The following AFF4 variants were observed in gnomAD, a reference collection of about 807,000 sequenced individuals.
The protein encoded by AFF4 is ALF transcription elongation factor 4, also known as AF4/FMR2 family member 4.
AFF4 carries 13 observed loss-of-function variants against 124.8 expected under a neutral mutation model. The ratio of observed to expected loss-of-function variants is 0.10; its 90% CI spans 0.07 to 0.17. The LOEUF (loss-of-function observed/expected upper bound fraction) is 0.17, where lower values mean the gene tolerates loss of function less well. AFF4 is among the 10% of genes least tolerant of loss of function. AFF4 has a pLI of 1.00. For synonymous variants in AFF4, 477 were observed against 496.1 expected, an observed-to-expected ratio of 0.96 and a Z score of 0.51; for missense variants, 1,092 against 1,403.8, an observed-to-expected ratio of 0.78 and a Z score of 3.55.
At chr5:132,899,484 GA>G in intron 8 of AFF4, 102 bp downstream of exon 8, 1 of 1,060,098 alleles carries the variant, frequency 9.4e-7, no homozygotes, top group Non-Finnish European at 1.3e-6. Context: ...AAGCTTATAA[GA>G]AACTTATTTT....
At chr5:132,914,185 A>AC (rs1267264095) in intron 5 of AFF4, among the ~76,000 whole-genome samples, 1 of 152,028 alleles carries the variant, frequency 6.6e-6, no homozygotes, top group East Asian at 1.9e-4. Context: ...TCGAGATCTC[A>AC]CCACTGCACT....
chr5:132,947,394 C>T (rs1481606455), intron 1 of AFF4, among the ~76,000 whole-genome samples: 3 of 152,204 alleles, frequency 2.0e-5, no homozygotes, highest in Admixed American at 6.5e-5. Context: ...CAGAGTAAGA[C>T]TCTGCCTCGA....
chr5:132,886,816 A>C (rs1050063296), intron 17 of AFF4, among the ~76,000 whole-genome samples: 1 of 152,258 alleles, frequency 6.6e-6, no homozygotes, highest in Non-Finnish European at 1.5e-5. Flanking sequence ...ATCCCTGCCT[A>C]TCTCTCCAGT....
intron 5 of AFF4, among the ~76,000 whole-genome samples, chr5:132,905,182 G>T (rs1023322490): frequency 2.6e-5 from 4 of 151,998 alleles, no homozygotes; most frequent in Non-Finnish European, 5.9e-5. Context: ...GGAAGAGATG[G>T]TCATTTACTT....
intron 7 of AFF4, among the ~76,000 whole-genome samples, chr5:132,901,343 G>C (rs989896341): frequency 4.6e-5 from 7 of 152,160 alleles, no homozygotes; most frequent in Non-Finnish European, 1.0e-4. Context: ...TGATGAATAG[G>C]AGTATAATTT....
chr5:132,941,628 G>T (rs1345483929), intron 1 of AFF4, among the ~76,000 whole-genome samples: 2 of 152,048 alleles, frequency 1.3e-5, no homozygotes, highest in East Asian at 1.9e-4. Flanking sequence ...GAGCCACAGT[G>T]CCCAGCCAAC....
rs1472499242 is a variant in AFF4 at position 132,908,750 on chromosome 5, A to G, written c.1051-4346T>C. Among the ~76,000 whole-genome samples the G allele has an allele frequency of 2.2e-5, 3 of 138,152 alleles. No individual in the cohort carries two copies. The South Asian group carries it at 6.7e-4, about 31-fold the overall frequency. The allele number at this position is 138,152 out of a possible 152,430, so 90.6% of individuals were successfully genotyped here. A position where few individuals can be genotyped will look rare whatever the true frequency, so the allele number is the denominator to read the frequency against. ...CACTCATATATAATCTATACACTAT[A>G]TATATACATATATATATATATATAT... On this transcript the variant is annotated intron_variant, in intron 5 of 20. Coordinates refer to ENST00000265343, the MANE Select transcript of AFF4 (RefSeq NM_014423.4).
At chr5:132,897,567 A>C (rs1760440057) in intron 10 of AFF4, among the ~76,000 whole-genome samples, 1 of 152,118 alleles carries the variant, frequency 6.6e-6, no homozygotes, top group Admixed American at 6.5e-5. Flanking sequence ...AAAATTAGTC[A>C]GATGCGGTGG....
intron 1 of AFF4, among the ~76,000 whole-genome samples, chr5:132,940,415 GGC>G (rs1761540627): frequency 6.9e-6 from 1 of 145,198 alleles, no homozygotes; most frequent in African/African-American, 2.6e-5. Context: ...GCAGGAGAAT[GGC>G]GTGAACCCGG....
rs778605699 is a variant in AFF4 at position 132,898,210 on chromosome 5, C to T, written c.1389+20G>A. Reference sequence around the variant, plus strand: ...ACCCTGAGAGGGCCTGTGGAAGGTACCCCACCGCCTCTGTCTCACCTCGGG... The same window carrying T: ...ACCCTGAGAGGGCCTGTGGAAGGTATCCCACCGCCTCTGTCTCACCTCGGG... On this transcript the variant is annotated intron_variant, in intron 10 of 20. Coordinates refer to ENST00000265343, the MANE Select transcript of AFF4 (RefSeq NM_014423.4). The T allele has an allele frequency of 2.5e-6, 4 of 1,613,428 alleles. No individual in the cohort carries two copies. The highest frequency in any genetic ancestry group is 3.4e-6 in the Non-Finnish European group (4 of 1,179,686).
chr5:132,930,596 C>G (rs1317653460), intron 4 of AFF4, among the ~76,000 whole-genome samples: 1 of 151,048 alleles, frequency 6.6e-6, no homozygotes, highest in Non-Finnish European at 1.5e-5. Flanking sequence ...TGCAGGTAGT[C>G]TTTCAAAGGT....
rs951778388 is a variant in AFF4 at position 132,879,554 on chromosome 5, C to T, written c.*1505G>A. ...AATTGAACATTATTATTGTAGAAGA[C>T]CAATCATGTATGGACGATCTGGTCC... On this transcript the variant is annotated 3_prime_UTR_variant, in exon 21 of 21. Coordinates refer to ENST00000265343, the MANE Select transcript of AFF4 (RefSeq NM_014423.4). The T allele has an allele frequency of 4.9e-6, 1 of 204,868 alleles. No individual in the cohort carries two copies. The highest frequency in any genetic ancestry group is 2.3e-5 in the African/African-American group (1 of 43,856). The allele number at this position is 204,868 out of a possible 1,614,324, so 12.7% of individuals were successfully genotyped here.
At chr5:132,935,641 GGT>G (rs1278789385) in intron 2 of AFF4, among the ~76,000 whole-genome samples, 2 of 151,964 alleles carry the variant, frequency 1.3e-5, no homozygotes, top group African/African-American at 4.8e-5. Context: ...CGTGGTGGCG[GGT>G]GTCTGTAATC....
At chr5:132,945,611 G>A (rs956720591) in intron 1 of AFF4, among the ~76,000 whole-genome samples, 7 of 152,062 alleles carry the variant, frequency 4.6e-5, no homozygotes, top group African/African-American at 1.7e-4. Context: ...AATTAGCTGG[G>A]CATGGTGGTG....
At chr5:132,919,714 G>A (rs1289853747) in intron 5 of AFF4, among the ~76,000 whole-genome samples, 1 of 152,134 alleles carries the variant, frequency 6.6e-6, no homozygotes, top group Non-Finnish European at 1.5e-5. Context: ...GCCGGGTGTG[G>A]TGGCATGCAC....
chr5:132,912,487 A>C (rs147542504), intron 5 of AFF4, among the ~76,000 whole-genome samples: 218 of 152,054 alleles, frequency 1.4e-3, no homozygotes, highest in African/African-American at 4.9e-3. Context: ...CGGCCTCCTG[A>C]GCAGCTGGGA....
chr5:132,961,290 C>T (rs964953578), intron 1 of AFF4, among the ~76,000 whole-genome samples: 2 of 152,116 alleles, frequency 1.3e-5, no homozygotes, highest in African/African-American at 4.8e-5. Flanking sequence ...GCTGGGACTA[C>T]AGGCATGTAC....
At chr5:132,890,573 A>C (rs183262021) in intron 13 of AFF4, among the ~76,000 whole-genome samples, 131 of 152,324 alleles carry the variant, frequency 8.6e-4, no homozygotes, top group African/African-American at 3.0e-3. Context: ...TTCCAGATCT[A>C]ATTTTTTCTT....
intron 1 of AFF4, among the ~76,000 whole-genome samples, chr5:132,945,973 T>C (rs1036523289): frequency 4.6e-5 from 7 of 152,094 alleles, no homozygotes; most frequent in African/African-American, 9.6e-5. Flanking sequence ...GGCAGGAGAA[T>C]TGCTTGAACC....
Sources: gnomAD v4.1 joint callset for allele counts (sites outside exome capture counted in the v4.1 genomes callset) on GRCh38, gnomAD v4.1.1 for gene constraint, MANE v1.5 for transcripts, NCBI Gene and HGNC (gene_info 2026-07-23, HGNC 2026-07-21) for gene names.